The following ZFYVE9 variants were observed in gnomAD, a reference collection of about 807,000 sequenced individuals.
ZFYVE9 encodes zinc finger FYVE domain-containing protein 9.
In ZFYVE9, 43 loss-of-function variants were observed where a neutral mutation model predicts 126.7. The observed-to-expected ratio is 0.34, with a 90% CI of 0.27 to 0.44. The LOEUF is 0.44. Ranked by LOEUF, ZFYVE9 falls within the 20% of genes least tolerant of loss-of-function variation. The pLI, the probability that ZFYVE9 is intolerant of heterozygous loss-of-function variation, is 1.00. For missense variants in ZFYVE9, 1,476 were observed against 1,697.0 expected (o/e 0.87, Z 2.29); for synonymous variants, 521 against 597.4 (o/e 0.87, Z 1.87).
Position 52,263,767 on chromosome 1 carries a change from CCACA to C in ZFYVE9, c.2179-5_2179-2del. The C allele has an allele frequency of 8.1e-7, 1 of 1,230,732 alleles. No homozygotes were observed. The highest frequency in any genetic ancestry group is 1.1e-6 in the Non-Finnish European group (1 of 896,876). The allele number at this position is 1,230,732 out of a possible 1,614,324, so 76.2% of individuals were successfully genotyped here. On this transcript the variant is annotated splice_acceptor_variant and splice_polypyrimidine_tract_variant and intron_variant, in intron 4 of 18. Coordinates refer to ENST00000287727, the MANE Select transcript of ZFYVE9 (RefSeq NM_004799.4). LOFTEE classifies it high-confidence loss of function. ...TTGTGTGTTCTTCCCCCCCCCCCCCCCACAGGTTTTCTGTGCTTCCTGCTGTAGC... is the reference window on the plus strand; with the variant it reads ...TTGTGTGTTCTTCCCCCCCCCCCCCCGGTTTTCTGTGCTTCCTGCTGTAGC...
intron 4 of ZFYVE9, among the ~76,000 whole-genome samples, chr1:52,247,329 C>T (rs12064441): frequency 0.036 from 5,521 of 152,138 alleles, 247 homozygotes; most frequent in African/African-American, 0.11. Flanking sequence ...AAGCCATCTC[C>T]CTTTCAATAT....
At chr1:52,152,705 GA>G (rs1484289823) in intron 1 of ZFYVE9, among the ~76,000 whole-genome samples, 1 of 152,172 alleles carries the variant, frequency 6.6e-6, no homozygotes, top group African/African-American at 2.4e-5. Flanking sequence ...TTCACTTTGT[GA>G]TCTTGGGCAA....
chr1:52,307,909 G>A (rs1217267947), intron 13 of ZFYVE9, among the ~76,000 whole-genome samples: 5 of 151,618 alleles, frequency 3.3e-5, no homozygotes, highest in Admixed American at 6.6e-5. Flanking sequence ...CCGCTACCAC[G>A]CCCGGCTAAT....
chr1:52,305,689 ATGGAGCAGGCAG>A (rs1646076698), intron 13 of ZFYVE9, among the ~76,000 whole-genome samples: 1 of 152,042 alleles, frequency 6.6e-6, no homozygotes, highest in Non-Finnish European at 1.5e-5. Context: ...CTTCTGCTCC[ATGGAGCAGGCAG>A]GAGCTCCCCC....
At chr1:52,285,244 C>G (rs940661492) in intron 10 of ZFYVE9, among the ~76,000 whole-genome samples, 3 of 151,950 alleles carry the variant, frequency 2.0e-5, no homozygotes, top group Non-Finnish European at 4.4e-5. Context: ...TTATTAAGAA[C>G]CTTATTTTTA....
intron 1 of ZFYVE9, among the ~76,000 whole-genome samples, chr1:52,194,188 C>T (rs774779839): frequency 5.3e-5 from 8 of 151,946 alleles, no homozygotes; most frequent in African/African-American, 9.7e-5. Context: ...AGAGCCTTCC[C>T]CACCAAAATA....
intron 4 of ZFYVE9, among the ~76,000 whole-genome samples, chr1:52,246,743 G>T (rs1387446854): frequency 3.3e-5 from 3 of 91,642 alleles, no homozygotes; most frequent in South Asian, 3.3e-4. Context: ...CACTCTTGTT[G>T]CTTGCCCAGG....
At chr1:52,304,299 G>A (rs1646061530) in intron 13 of ZFYVE9, among the ~76,000 whole-genome samples, 1 of 152,034 alleles carries the variant, frequency 6.6e-6, no homozygotes, top group Non-Finnish European at 1.5e-5. Context: ...GTCTCACTGT[G>A]TCGCCCAGGC....
At chr1:52,343,335 A>C (rs1346441925) in intron 17 of ZFYVE9, among the ~76,000 whole-genome samples, 1 of 152,178 alleles carries the variant, frequency 6.6e-6, no homozygotes, top group East Asian at 2.0e-4. Flanking sequence ...AATCCTAGCT[A>C]CTTGGGAAGC....
chr1:52,339,807 C>G (rs1485388826), intron 16 of ZFYVE9, among the ~76,000 whole-genome samples: 1 of 152,166 alleles, frequency 6.6e-6, no homozygotes, highest in Non-Finnish European at 1.5e-5. Context: ...CATGCATTCA[C>G]TGAAAGAAGG....
intron 1 of ZFYVE9, among the ~76,000 whole-genome samples, chr1:52,147,916 AGTG>A (rs1001787624): frequency 1.3e-5 from 2 of 151,932 alleles, no homozygotes; most frequent in African/African-American, 4.8e-5. Context: ...ATGAGTGTGA[AGTG>A]GTAATGTAAG....
At chr1:52,198,897 A>T (rs777109882) in intron 1 of ZFYVE9, among the ~76,000 whole-genome samples, 9 of 152,088 alleles carry the variant, frequency 5.9e-5, no homozygotes, top group Non-Finnish European at 1.2e-4. Context: ...TATCACCCAA[A>T]GATTATTATT....
chr1:52,169,375 G>A (rs531243150), intron 1 of ZFYVE9, among the ~76,000 whole-genome samples: 1 of 152,144 alleles, frequency 6.6e-6, no homozygotes, highest in South Asian at 2.1e-4. Flanking sequence ...TCTCCAGCTT[G>A]GGTGACAGAG....
intron 2 of ZFYVE9, among the ~76,000 whole-genome samples, chr1:52,226,700 T>C (rs2124612334): frequency 6.6e-6 from 1 of 152,284 alleles, no homozygotes. Flanking sequence ...TTTATACATT[T>C]TAGGGAGACA....
intron 4 of ZFYVE9, among the ~76,000 whole-genome samples, chr1:52,261,828 C>G (rs1377462410): frequency 1.3e-5 from 2 of 152,064 alleles, no homozygotes; most frequent in Non-Finnish European, 2.9e-5. Context: ...GGAAAACTAA[C>G]AGGACTTAAT....
chr1:52,287,015 A>G (rs1645868221), intron 10 of ZFYVE9, among the ~76,000 whole-genome samples: 1 of 152,086 alleles, frequency 6.6e-6, no homozygotes, highest in Non-Finnish European at 1.5e-5. Flanking sequence ...CACTTTCTCC[A>G]TGAATTCTTT....
At chr1:52,241,612 G>T (rs760442186) in intron 4 of ZFYVE9, among the ~76,000 whole-genome samples, 6 of 152,180 alleles carry the variant, frequency 3.9e-5, no homozygotes, top group Admixed American at 3.3e-4. Flanking sequence ...TTGCAAAATG[G>T]TTGGAATTTT....
chr1:52,310,189 G>C (rs1186096463), intron 13 of ZFYVE9, among the ~76,000 whole-genome samples: 1 of 152,008 alleles, frequency 6.6e-6, no homozygotes, highest in Non-Finnish European at 1.5e-5. Context: ...GGCTGGTCTT[G>C]AACTCCTGGG....
chr1:52,281,429 G>A (rs533822881), intron 9 of ZFYVE9, among the ~76,000 whole-genome samples: 28 of 152,082 alleles, frequency 1.8e-4, no homozygotes, highest in South Asian at 6.2e-4. Context: ...CACCTCGGCC[G>A]TCCTCAATCA....
Sources: gnomAD v4.1 joint callset for allele counts (sites outside exome capture counted in the v4.1 genomes callset) on GRCh38, gnomAD v4.1.1 for gene constraint, MANE v1.5 for transcripts, NCBI Gene and HGNC (gene_info 2026-07-23, HGNC 2026-07-21) for gene names.